KLHL8: variants seen among roughly 807,000 people sequenced by gnomAD.
KLHL8 encodes kelch like family member 8.
Under a neutral mutation model 63.5 loss-of-function variants are expected in KLHL8, and 38 were observed. The ratio of observed to expected loss-of-function variants is 0.60; its 90% CI spans 0.46 to 0.78. The LOEUF (loss-of-function observed/expected upper bound fraction) is 0.78, where lower values mean the gene tolerates loss of function less well. KLHL8 is among the 30% of genes least tolerant of loss of function. KLHL8 has a pLI of 0.00. For synonymous variants in KLHL8, 224 were observed against 254.3 expected, an observed-to-expected ratio of 0.88 and a Z score of 1.13; for missense variants, 566 against 752.4, an observed-to-expected ratio of 0.75 and a Z score of 2.90.
At chr4:87,208,223 T>C (rs1578396106) in intron 1 of KLHL8, 1 of 312,942 alleles carries the variant, frequency 3.2e-6, no homozygotes, top group Admixed American at 4.1e-5. Context: ...GTAGAACTCC[T>C]GAAGAGGGAG....
chr4:87,207,326 A>AT (rs773992484), intron 1 of KLHL8: 408 of 616,908 alleles, frequency 6.6e-4, no homozygotes, highest in Non-Finnish European at 9.8e-4. Context: ...CAGGAGCGAG[A>AT]TCCCTCCAAA....
intron 6 of KLHL8, among the ~76,000 whole-genome samples, chr4:87,174,403 G>C (rs537534167): frequency 1.3e-5 from 2 of 151,474 alleles, no homozygotes. Flanking sequence ...CTTAGCCTCC[G>C]CAGCAGCTGG....
At chr4:87,177,417 T>C (rs559949301) in intron 5 of KLHL8, among the ~76,000 whole-genome samples, 1 of 151,892 alleles carries the variant, frequency 6.6e-6, no homozygotes, top group Non-Finnish European at 1.5e-5. Flanking sequence ...CGAGGCAGAA[T>C]TGCCTGAACC....
chr4:87,209,165 G>A (rs1227482216), intron 1 of KLHL8, among the ~76,000 whole-genome samples: 1 of 146,146 alleles, frequency 6.8e-6, no homozygotes, highest in Non-Finnish European at 1.5e-5. Context: ...CTACACTCCA[G>A]AATTTAAAAC....
chr4:87,168,710 G>GTATA (rs954833009), intron 8 of KLHL8, among the ~76,000 whole-genome samples: 1 of 142,784 alleles, frequency 7.0e-6, no homozygotes. Context: ...ATATATATGT[G>GTATA]TATATATATA....
At chr4:87,213,766 C>G (rs1732492276) in intron 1 of KLHL8, among the ~76,000 whole-genome samples, 1 of 152,182 alleles carries the variant, frequency 6.6e-6, no homozygotes, top group African/African-American at 2.4e-5. Flanking sequence ...TTCAAAATTA[C>G]AGTAGCACAT....
At chr4:87,168,786 G>A (rs1270694979) in intron 8 of KLHL8, among the ~76,000 whole-genome samples, 2 of 88,086 alleles carry the variant, frequency 2.3e-5, no homozygotes, top group Non-Finnish European at 4.6e-5. Context: ...ATATATATAC[G>A]TATATATACA....
upstream of KLHL8, among the ~76,000 whole-genome samples, chr4:87,222,872 C>T (rs1361046191): frequency 2.0e-5 from 3 of 152,232 alleles, no homozygotes; most frequent in Non-Finnish European, 2.9e-5. Flanking sequence ...GCATGAGCCA[C>T]CACGCCCGGC....
At chr4:87,163,804 C>T (rs1421529998) in intron 9 of KLHL8, 74 bp downstream of exon 9, 1 of 1,543,734 alleles carries the variant, frequency 6.5e-7, no homozygotes, top group African/African-American at 1.4e-5. Flanking sequence ...CGACTAGCAA[C>T]ATTTTAACAC....
At chr4:87,200,157 A>G (rs867946002) in intron 1 of KLHL8, among the ~76,000 whole-genome samples, 9 of 150,538 alleles carry the variant, frequency 6.0e-5, no homozygotes, top group South Asian at 4.2e-4. Context: ...AAAAAAAAAA[A>G]AAAGAAAAAA....
chr4:87,168,528 C>T (rs1237095455), intron 8 of KLHL8, among the ~76,000 whole-genome samples: 1 of 151,902 alleles, frequency 6.6e-6, no homozygotes, highest in Non-Finnish European at 1.5e-5. Flanking sequence ...TGATTTTCTC[C>T]TAGGGTTATC....
At chr4:87,185,962 A>G (rs923310349) in intron 2 of KLHL8, among the ~76,000 whole-genome samples, 163 bp from the exon 3 acceptor site, 1 of 152,200 alleles carries the variant, frequency 6.6e-6, no homozygotes. Context: ...CCAGTTTCTT[A>G]AAGTCAGGTA....
At chr4:87,209,181 G>A (rs912306145) in intron 1 of KLHL8, among the ~76,000 whole-genome samples, 6 of 130,742 alleles carry the variant, frequency 4.6e-5, no homozygotes, top group Admixed American at 4.6e-4. Flanking sequence ...AAAACAATCA[G>A]AATTTTTTTA....
intron 1 of KLHL8, among the ~76,000 whole-genome samples, chr4:87,217,078 T>C (rs1239683282): frequency 6.6e-6 from 1 of 152,186 alleles, no homozygotes; most frequent in African/African-American, 2.4e-5. Flanking sequence ...AGTCTGGTGC[T>C]TCCATAAAAG....
intron 4 of KLHL8, among the ~76,000 whole-genome samples, chr4:87,181,405 C>CA (rs1017323281): frequency 1.4e-3 from 203 of 149,446 alleles, no homozygotes; most frequent in African/African-American, 4.8e-3. Context: ...GACTCAGTCT[C>CA]AAAAAAAAAG....
intron 1 of KLHL8, among the ~76,000 whole-genome samples, chr4:87,196,569 T>C (rs1333990068): frequency 2.0e-5 from 3 of 152,162 alleles, no homozygotes; most frequent in Non-Finnish European, 4.4e-5. Flanking sequence ...CTGCCAAACA[T>C]ACGAAATGCT....
Position 87,163,519 on chromosome 4 carries a change from T to C in KLHL8, c.1863A>G (p.Ter621TrpextTer9), listed in dbSNP as rs1560686417. ...HGSNNVVDCM[*>W] Reference sequence around the variant, plus strand: ...AAATTGTTGGTGGCCAGAACTCAAATCACATACAGTCAACCACATTATTGG... The same window carrying C: ...AAATTGTTGGTGGCCAGAACTCAAACCACATACAGTCAACCACATTATTGG... Residue 621 changes from the stop codon to tryptophan, a stop_lost, in exon 10 of 10, where the codon TGA becomes TGG. Transcript: ENST00000273963. The C allele has an allele frequency of 6.2e-7, 1 of 1,614,014 alleles. No individual in the cohort carries two copies.
chr4:87,225,108 A>C (rs1290281986), upstream of KLHL8, among the ~76,000 whole-genome samples: 1 of 151,938 alleles, frequency 6.6e-6, no homozygotes, highest in Non-Finnish European at 1.5e-5. Flanking sequence ...AAATATTTAA[A>C]GTTCCCAATT....
At chr4:87,198,654 T>TGAGAG (rs1380584087) in intron 1 of KLHL8, among the ~76,000 whole-genome samples, 5 of 152,032 alleles carry the variant, frequency 3.3e-5, no homozygotes, top group African/African-American at 7.2e-5. Flanking sequence ...TAGGGAAGGA[T>TGAGAG]GAGAGGAGAG....
Sources: allele counts gnomAD v4.1 joint callset (sites outside exome capture counted in the v4.1 genomes callset), GRCh38; gene constraint gnomAD v4.1.1; transcripts MANE v1.5; gene names NCBI Gene and HGNC (gene_info 2026-07-23, HGNC 2026-07-21).